Variants in ROBO2 observed in about 807,000 individuals in gnomAD.
ROBO2 encodes roundabout homolog 2.
ROBO2 carries 53 observed loss-of-function variants against 160.8 expected under a neutral mutation model. That is an observed-to-expected ratio of 0.33 (90% CI 0.26 to 0.41). The LOEUF (loss-of-function observed/expected upper bound fraction) is 0.41, where lower values mean the gene tolerates loss of function less well. ROBO2 is among the 10% of genes least tolerant of loss of function. ROBO2 has a pLI of 1.00. For synonymous variants in ROBO2, 664 were observed against 611.7 expected, an observed-to-expected ratio of 1.09 and a Z score of -1.26; for missense variants, 1,577 against 1,722.4, an observed-to-expected ratio of 0.92 and a Z score of 1.49.
intron 2 of ROBO2, among the ~76,000 whole-genome samples, chr3:77,180,414 C>CTATATATATATATATATATA (rs1449905064): frequency 2.2e-5 from 2 of 92,734 alleles, no homozygotes; most frequent in Non-Finnish European, 4.9e-5. Flanking sequence ...CTCTCTCTCT[C>CTATATATATATATATATATA]TCTATATATA....
intron 2 of ROBO2, among the ~76,000 whole-genome samples, chr3:76,220,855 A>G (rs1575955032): frequency 6.6e-6 from 1 of 152,196 alleles, no homozygotes; most frequent in East Asian, 1.9e-4. Context: ...TGGTATTTGT[A>G]ACCACCTTCC....
At chr3:76,095,773 CACACACACACACACAA>C (rs935076020) in intron 2 of ROBO2, among the ~76,000 whole-genome samples, 9 of 148,140 alleles carry the variant, frequency 6.1e-5, no homozygotes, top group African/African-American at 2.1e-4. Context: ...CACACACACA[CACACACACACACACAA>C]GATAATCATC....
At chr3:76,146,499 CTT>C (rs2071893484) in intron 2 of ROBO2, among the ~76,000 whole-genome samples, 1 of 151,808 alleles carries the variant, frequency 6.6e-6, no homozygotes, top group South Asian at 2.1e-4. Context: ...TCTCTGACCT[CTT>C]TTAAATAACT....
chr3:76,691,207 C>A (rs796193989), intron 2 of ROBO2, among the ~76,000 whole-genome samples: 1 of 151,952 alleles, frequency 6.6e-6, no homozygotes, highest in Admixed American at 6.6e-5. Flanking sequence ...GGAATAAGTT[C>A]GGCCCAATTT....
intron 2 of ROBO2, among the ~76,000 whole-genome samples, chr3:76,139,223 T>C (rs1473114543): frequency 6.6e-6 from 1 of 152,102 alleles, no homozygotes; most frequent in East Asian, 1.9e-4. Flanking sequence ...TTCTTATGCT[T>C]GACTGTAATA....
chr3:76,300,342 A>C (rs1222610716), intron 2 of ROBO2, among the ~76,000 whole-genome samples: 1 of 152,090 alleles, frequency 6.6e-6, no homozygotes, highest in African/African-American at 2.4e-5. Context: ...TCAAAAAAAA[A>C]ATTACATTCT....
chr3:76,078,249 A>G (rs765528243), intron 2 of ROBO2, among the ~76,000 whole-genome samples: 17 of 152,200 alleles, frequency 1.1e-4, no homozygotes, highest in Non-Finnish European at 1.2e-4. Flanking sequence ...GACTTAACCT[A>G]TAACATTTTT....
chr3:76,336,658 G>A (rs754815373), intron 2 of ROBO2, among the ~76,000 whole-genome samples: 3 of 152,116 alleles, frequency 2.0e-5, no homozygotes, highest in East Asian at 1.9e-4. Flanking sequence ...AAAGAATGAC[G>A]TAACATTTAA....
chr3:76,161,892 T>G (rs916298600), intron 2 of ROBO2, among the ~76,000 whole-genome samples: 1 of 152,188 alleles, frequency 6.6e-6, no homozygotes, highest in African/African-American at 2.4e-5. Flanking sequence ...GCATGTGCAT[T>G]TGAGCATGTT....
At chr3:77,445,443 G>C (rs1394101100) in intron 2 of ROBO2, among the ~76,000 whole-genome samples, 2 of 151,820 alleles carry the variant, frequency 1.3e-5, no homozygotes, top group Non-Finnish European at 2.9e-5. Flanking sequence ...CCCTCTCCCA[G>C]TGATTATATA....
intron 1 of ROBO2, among the ~76,000 whole-genome samples, chr3:75,910,219 AC>A (rs1412668661): frequency 6.6e-6 from 1 of 152,112 alleles, no homozygotes; most frequent in Non-Finnish European, 1.5e-5. Flanking sequence ...GAATCACTGC[AC>A]CCTTGGACAT....
At chr3:76,753,689 A>G (rs1231023290) in intron 2 of ROBO2, among the ~76,000 whole-genome samples, 1 of 151,924 alleles carries the variant, frequency 6.6e-6, no homozygotes, top group Non-Finnish European at 1.5e-5. Flanking sequence ...GACCATTGCT[A>G]TTTAAAAAGA....
At chr3:77,057,235 C>A (rs529048653) in intron 1 of ROBO2, among the ~76,000 whole-genome samples, 10 of 152,250 alleles carry the variant, frequency 6.6e-5, no homozygotes, top group African/African-American at 2.4e-4. Context: ...ACCGCATGTT[C>A]TCACTCATAG....
rs958353542 is a variant in ROBO2, at chr3:77,384,400, T to C, written c.389-93014T>C. Among the ~76,000 whole-genome samples, 4 of 152,266 alleles carry C rather than the reference T, an allele frequency of 2.6e-5. No homozygotes were observed. The East Asian group carries it at 5.8e-4, about 22-fold the overall frequency. ...TTATGATCTGTGAAGTTTGAACAAA[T>C]GTTGTTTTTCTTCAATGTTATTTAT... On this transcript the variant is annotated intron_variant, in intron 2 of 25. Transcript: ENST00000461745.
At chr3:76,970,734 A>G (rs2059533604) in intron 2 of ROBO2, among the ~76,000 whole-genome samples, 1 of 152,226 alleles carries the variant, frequency 6.6e-6, no homozygotes, top group South Asian at 2.1e-4. Flanking sequence ...CATCTCACTA[A>G]AATATACACA....
chr3:76,967,804 G>T (rs1041288440), intron 2 of ROBO2, among the ~76,000 whole-genome samples: 2 of 152,044 alleles, frequency 1.3e-5, no homozygotes, highest in Non-Finnish European at 2.9e-5. Flanking sequence ...CTCAGCAACC[G>T]AAAGTGTTAG....
chr3:76,120,208 G>T (rs1203952040), intron 2 of ROBO2, among the ~76,000 whole-genome samples: 1 of 151,852 alleles, frequency 6.6e-6, no homozygotes, highest in Non-Finnish European at 1.5e-5. Flanking sequence ...TGCCATGTTG[G>T]CCAGGCTGAT....
chr3:77,256,353 C>A (rs2058412099), intron 2 of ROBO2, among the ~76,000 whole-genome samples: 1 of 151,948 alleles, frequency 6.6e-6, no homozygotes, highest in African/African-American at 2.4e-5. Flanking sequence ...TGTATCTGTG[C>A]TAAAAACAAG....
chr3:77,432,521 T>G (rs1306895857), intron 2 of ROBO2, among the ~76,000 whole-genome samples: 1 of 152,174 alleles, frequency 6.6e-6, no homozygotes, highest in East Asian at 1.9e-4. Context: ...GTGGGGAAGC[T>G]ATTGTCCCTG....
Sources: gnomAD v4.1 joint callset for allele counts (sites outside exome capture counted in the v4.1 genomes callset) on GRCh38, gnomAD v4.1.1 for gene constraint, MANE v1.5 for transcripts, NCBI Gene and HGNC (gene_info 2026-07-23, HGNC 2026-07-21) for gene names.